CAPN3: variants seen among roughly 807,000 people sequenced by gnomAD.
The protein encoded by CAPN3 is calpain-3.
CAPN3 carries 88 observed loss-of-function variants against 114.0 expected under a neutral mutation model. The observed-to-expected ratio is 0.77, with a 90% CI of 0.65 to 0.92. CAPN3 has a LOEUF of 0.92. Ranked by LOEUF, CAPN3 falls within the 40% of genes least tolerant of loss-of-function variation. The pLI, the probability that CAPN3 is intolerant of heterozygous loss-of-function variation, is 0.00. For synonymous variants in CAPN3, 386 were observed against 382.9 expected (o/e 1.01, Z -0.09); for missense variants, 1,028 against 1,069.0 (o/e 0.96, Z 0.53).
In CAPN3 at chr15:42,408,194, C is replaced by CTCCCT. The variant is rs2054081515; in HGVS notation, c.1801-16_1801-12dup. On this transcript the variant is annotated splice_polypyrimidine_tract_variant and intron_variant, in intron 15 of 23. Transcript: ENST00000397163. ...GTAATCCTCCCTTCCTTCCTGCCTC[C>CTCCCT]TCCCTCCTCTCTCCAGCCCATCATC... 1 of 1,570,674 alleles carries CTCCCT rather than the reference C, an allele frequency of 6.4e-7. No homozygotes were observed.
chr15:42,386,124 G>T, intron 2 of CAPN3, 43 bp from the exon 3 acceptor site: 1 of 1,378,614 alleles, frequency 7.3e-7, no homozygotes. Context: ...CTTCCCAGGA[G>T]GAGCAGGAGT....
intron 9 of CAPN3, among the ~76,000 whole-genome samples, chr15:42,398,106 T>TACATATGTACCCATATTTTG (rs2053753249): frequency 1.5e-5 from 2 of 135,854 alleles, no homozygotes; most frequent in African/African-American, 7.4e-5. Context: ...TATATATTTT[T>TACATATGTACCCATATTTTG]GGGGTACATA....
rs540561728 is a variant in CAPN3 at position 42,409,959 on chromosome 15, A to G, written c.2079A>G (p.Thr693=). Residue 693 remains threonine, a synonymous_variant, in exon 19 of 24, where the codon ACA becomes ACG. Coordinates refer to ENST00000397163, the MANE Select transcript of CAPN3 (RefSeq NM_000070.3). ...KHKDLKTHGF[T]LESCRSMIAL... ...AGGACCTGAAGACACACGGGTTCAC[A>G]CTGGAGTCCTGCCGTAGCATGATTG... 1.4e-5 allele frequency: 23 copies of G among 1,612,282 alleles called. No individual in the cohort carries two copies. The Admixed American group carries it at 3.5e-4, about 25-fold the overall frequency.
chr15:42,364,698 A>G (rs1189877069), intron 1 of CAPN3, among the ~76,000 whole-genome samples: 2 of 152,206 alleles, frequency 1.3e-5, no homozygotes, highest in Non-Finnish European at 2.9e-5. Context: ...GAAGGAGACT[A>G]CAAAAGAGGG....
Position 42,408,260 on chromosome 15 carries a change from T to A in CAPN3, c.1850T>A (p.Val617Glu). 6.2e-7 allele frequency: 1 copy of A among 1,613,930 alleles called. No individual in the cohort carries two copies. Among genetic ancestry groups the A allele is most frequent in the Non-Finnish European group, 8.5e-7 (1 of 1,179,912 alleles). ...GCAAACAGCAACAAGGAGCTGGGTG[T>A]GGACCAGGAGTCAGAGGAGGGCAAA... ...DRANSNKELG[V>E]DQESEEGKGK... Residue 617 changes from valine (V) to glutamate (E), a missense_variant, in exon 16 of 24, where the codon GTG becomes GAG. Transcript: ENST00000397163.
chr15:42,364,732 G>C (rs770955262), intron 1 of CAPN3, among the ~76,000 whole-genome samples: 1 of 152,204 alleles, frequency 6.6e-6, no homozygotes, highest in Admixed American at 6.5e-5. Flanking sequence ...GGGAAACTTG[G>C]CACCTTGCCC....
chr15:42,411,454 A>AG, intron 23 of CAPN3, 109 bp downstream of exon 23: 1 of 1,040,926 alleles, frequency 9.6e-7, no homozygotes, highest in Non-Finnish European at 1.5e-6. Flanking sequence ...ACAGTGGTGG[A>AG]GGGAAGGGAT....
Position 42,359,546 on chromosome 15 carries a change from C to G in CAPN3, c.-260C>G. The stretch of plus-strand genomic sequence containing the variant: ...TGGCATGCATGCTGCTGGTAGGAGA[C>G]CCCCAAGTCAACATTGCTTCAGAAA... On this transcript the variant is annotated 5_prime_UTR_variant, in exon 1 of 24. Transcript: ENST00000397163. The G allele has an allele frequency of 7.4e-7, 1 of 1,346,638 alleles. No homozygotes were observed. Among genetic ancestry groups the G allele is most frequent in the African/African-American group, 1.5e-5 (1 of 68,214 alleles). 83.4% of individuals were successfully genotyped at this position (1,346,638 alleles called of 1,614,324 possible). A position where few individuals can be genotyped will look rare whatever the true frequency, so the allele number is the denominator to read the frequency against.
intron 1 of CAPN3, among the ~76,000 whole-genome samples, chr15:42,366,217 CAA>C (rs1042912999): frequency 7.0e-4 from 107 of 152,274 alleles, no homozygotes; most frequent in African/African-American, 2.4e-3. Flanking sequence ...AAAAATAAGA[CAA>C]AGAGTCCCTT....
intron 21 of CAPN3, 96 bp from the exon 22 acceptor site, chr15:42,410,788 T>C: frequency 7.3e-7 from 1 of 1,376,842 alleles, no homozygotes; most frequent in Admixed American, 1.7e-5. Context: ...TCACTTTCCC[T>C]TCCCAGGTCA....
intron 1 of CAPN3, among the ~76,000 whole-genome samples, chr15:42,364,990 A>G (rs1463616795): frequency 6.6e-6 from 1 of 152,144 alleles, no homozygotes; most frequent in Non-Finnish European, 1.5e-5. Flanking sequence ...GTAACATGGG[A>G]TCCCAGAATT....
intron 1 of CAPN3, among the ~76,000 whole-genome samples, chr15:42,381,680 C>T (rs1173532526): frequency 6.6e-6 from 1 of 152,122 alleles, no homozygotes; most frequent in Non-Finnish European, 1.5e-5. Flanking sequence ...GCTGGGACTA[C>T]AGGCATGAGC....
intron 14 of CAPN3, chr15:42,404,394 A>G (rs1331522549): frequency 6.6e-6 from 3 of 456,428 alleles, no homozygotes; most frequent in Non-Finnish European, 1.3e-5. Context: ...TGTCATCGCG[A>G]TACTTGCAAG....
At chr15:42,368,564 T>C (rs1238068750) in intron 1 of CAPN3, among the ~76,000 whole-genome samples, 1 of 152,202 alleles carries the variant, frequency 6.6e-6, no homozygotes, top group Admixed American at 6.5e-5. Flanking sequence ...AGGCTCTGTA[T>C]TGATTGGTTG....
At chr15:42,384,906 C>G (rs993242862) in intron 2 of CAPN3, among the ~76,000 whole-genome samples, 14 of 152,182 alleles carry the variant, frequency 9.2e-5, no homozygotes, top group African/African-American at 2.9e-4. Context: ...AAGCATGCCC[C>G]TTGGGCATGG....
At chr15:42,405,894 T>C (rs746247010) in intron 14 of CAPN3, 32 bp from the exon 15 acceptor site, 3 of 1,596,176 alleles carry the variant, frequency 1.9e-6, no homozygotes, top group Non-Finnish European at 2.6e-6. Context: ...TTTTCACTTA[T>C]TCTGCATTTA....
At chr15:42,370,960 C>T (rs970318491) in intron 1 of CAPN3, among the ~76,000 whole-genome samples, 2 of 152,134 alleles carry the variant, frequency 1.3e-5, no homozygotes, top group Non-Finnish European at 2.9e-5. Context: ...CACCGATTAA[C>T]GATGTGACCT....
chr15:42,404,632 G>A (rs2053968586), intron 14 of CAPN3: 2 of 1,105,694 alleles, frequency 1.8e-6, no homozygotes, highest in South Asian at 3.2e-5. Context: ...CTGTGTGTTG[G>A]GCTCTGTGTG....
rs1390085168 is a variant in CAPN3 at position 42,402,104 on chromosome 15, CCTTT to C, written c.1525-17_1525-14del. 1.2e-6 allele frequency: 2 copies of C among 1,614,114 alleles called. No homozygotes were observed. Among genetic ancestry groups the C allele is most frequent in the South Asian group, 2.2e-5 (2 of 91,092 alleles). On this transcript the variant is annotated splice_polypyrimidine_tract_variant and intron_variant, in intron 11 of 23. Transcript: ENST00000397163. ...TCCTCATTCACATCTGAAGCATCTTCCTTTCTGTTTCTTCTCAAGGTTCCCAAAG... is the reference window on the plus strand; with the variant it reads ...TCCTCATTCACATCTGAAGCATCTTCCTGTTTCTTCTCAAGGTTCCCAAAG...
Sources: allele counts gnomAD v4.1 joint callset (sites outside exome capture counted in the v4.1 genomes callset), GRCh38; gene constraint gnomAD v4.1.1; transcripts MANE v1.5; gene names NCBI Gene and HGNC (gene_info 2026-07-23, HGNC 2026-07-21).